GEMIN5: variants seen among roughly 807,000 people sequenced by gnomAD.
The protein encoded by GEMIN5 is gem-associated protein 5.
A neutral mutation model predicts 176.9 loss-of-function variants in GEMIN5; 124 were observed. The observed-to-expected ratio is 0.70, with a 90% CI of 0.61 to 0.81. GEMIN5 has a LOEUF of 0.81. Ranked by LOEUF, GEMIN5 falls within the 40% of genes least tolerant of loss-of-function variation. The probability of loss-of-function intolerance (pLI) is 0.00; values close to 1 mark genes in which losing one functional copy is unlikely to be tolerated. For missense variants in GEMIN5, 1,843 were observed against 1,814.6 expected (o/e 1.02, Z -0.28); for synonymous variants, 673 against 665.2 (o/e 1.01, Z -0.18).
In GEMIN5 at chr5:154,931,591, G is replaced by A. The variant is rs770380550; in HGVS notation, c.662-14C>T. On this transcript the variant is annotated splice_polypyrimidine_tract_variant and intron_variant, in intron 4 of 27. Transcript: ENST00000285873. ...TTTCAGCTTCTTCTATGAGATAGGTGGCAATTTTGTTTTTAATTTACATTA... is the reference window on the plus strand; with the variant it reads ...TTTCAGCTTCTTCTATGAGATAGGTAGCAATTTTGTTTTTAATTTACATTA... 1.9e-6 allele frequency: 3 copies of A among 1,574,140 alleles called. No individual in the cohort carries two copies. Among genetic ancestry groups the A allele is most frequent in the Non-Finnish European group, 2.6e-6 (3 of 1,156,016 alleles).
chr5:154,909,214 T>A (rs1170981303), intron 15 of GEMIN5, among the ~76,000 whole-genome samples: 1 of 143,886 alleles, frequency 6.9e-6, no homozygotes, highest in Non-Finnish European at 1.5e-5. Context: ...GCTCAAGTGA[T>A]CAGCTCGCCT....
At chr5:154,898,305 G>T in intron 23 of GEMIN5, 135 bp downstream of exon 23, 2 of 733,860 alleles carry the variant, frequency 2.7e-6, no homozygotes, top group Non-Finnish European at 4.9e-6. Flanking sequence ...ACTTCAGTGG[G>T]ATAGCATGGC....
chr5:154,937,400 C>A (rs1330163457), intron 1 of GEMIN5, among the ~76,000 whole-genome samples: 1 of 152,218 alleles, frequency 6.6e-6, no homozygotes, highest in Non-Finnish European at 1.5e-5. Flanking sequence ...AGCTTCTCAA[C>A]TGTGAAATGA....
At chr5:154,910,949 C>T (rs993823870) in intron 15 of GEMIN5, among the ~76,000 whole-genome samples, 6 of 151,832 alleles carry the variant, frequency 4.0e-5, no homozygotes, top group East Asian at 2.0e-4. Flanking sequence ...CCGCCCATCT[C>T]GGCCTCCCAA....
intron 24 of GEMIN5, among the ~76,000 whole-genome samples, chr5:154,893,619 C>G (rs1213167485): frequency 6.6e-6 from 1 of 152,244 alleles, no homozygotes; most frequent in East Asian, 1.9e-4. Context: ...GGCCCCACCC[C>G]ACTGGCAACC....
At chr5:154,925,505 TA>T (rs1185028090) in intron 8 of GEMIN5, among the ~76,000 whole-genome samples, 5 of 152,242 alleles carry the variant, frequency 3.3e-5, no homozygotes, top group African/African-American at 1.2e-4. Flanking sequence ...ATAAATCATT[TA>T]TATACCTTTC....
intron 10 of GEMIN5, among the ~76,000 whole-genome samples, chr5:154,920,891 G>A (rs945799279): frequency 2.0e-5 from 3 of 152,172 alleles, no homozygotes; most frequent in Non-Finnish European, 4.4e-5. Flanking sequence ...AGAGGGAAAG[G>A]AGCAGAATGC....
At chr5:154,922,332 T>A (rs1763940293) in intron 9 of GEMIN5, among the ~76,000 whole-genome samples, 1 of 152,116 alleles carries the variant, frequency 6.6e-6, no homozygotes, top group African/African-American at 2.4e-5. Context: ...CAAGCCCGGC[T>A]AATTTTTTGT....
In GEMIN5 at chr5:154,913,006, C is replaced by T. The variant is rs780229232; in HGVS notation, c.1888G>A (p.Glu630Lys). The T allele has an allele frequency of 3.7e-6, 6 of 1,613,622 alleles. No individual in the cohort carries two copies. In the Admixed American group the frequency reaches 5.0e-5, roughly 13 times the overall value. The change falls in exon 14 of 28, where the codon GAG becomes AAG. Residue 630 changes from glutamate to lysine, a missense_variant. Transcript: ENST00000285873. Reference protein sequence around the residue: ...SSPESPVTITEPYRTLSGHTA... With the variant: ...SSPESPVTITKPYRTLSGHTA... ...TGCCCTGAGAGGGTCCGGTAGGGCT[C>T]TGTAATGGTCACTGGAGACTCAGGG...
At position 154,892,425 on chromosome 5, in the gene GEMIN5, G is replaced by A; in HGVS notation, c.3722C>T (p.Thr1241Ile). The A allele has an allele frequency of 6.2e-7, 1 of 1,614,146 alleles. No individual in the cohort carries two copies. The highest frequency in any genetic ancestry group is 8.5e-7 in the Non-Finnish European group (1 of 1,180,018). Residue 1241 changes from threonine to isoleucine, a missense_variant, in exon 25 of 28, where the codon ACC becomes ATC. By Grantham distance (89) the Thr-to-Ile change is moderately conservative. Coordinates refer to ENST00000285873, the MANE Select transcript of GEMIN5 (RefSeq NM_015465.5). ...VVRSYDSGSF[T>I]IMQEVYSAFL... ...GGCTGAGTACACTTCCTGCATGATG[G>A]TGAAGCTCCCTGAGTCATAGCTCCG...
At position 154,924,530 on chromosome 5, in the gene GEMIN5, C is replaced by A; in HGVS notation, c.1318G>T (p.Gly440Cys). Residue 440 changes from glycine to cysteine, a missense_variant, in exon 9 of 28, where the codon GGT (glycine) becomes TGT (cysteine). Gly to Cys is a radical substitution (Grantham distance 159). Coordinates refer to ENST00000285873, the MANE Select transcript of GEMIN5 (RefSeq NM_015465.5). ...TCATCAGTTCCAAAAGCTAAGCAAC[C>A]TTCCTTGGTTGGGTGCCAGCACAGC... ...TALCWHPTKE[G>C]CLAFGTDDGK... is the part of the protein sequence containing the mutation. The A allele has an allele frequency of 6.2e-7, 1 of 1,612,406 alleles. No homozygotes were observed. Among genetic ancestry groups the A allele is most frequent in the Non-Finnish European group, 8.5e-7 (1 of 1,178,584 alleles).
At chr5:154,902,127 A>AC (rs1301335543) in intron 20 of GEMIN5, among the ~76,000 whole-genome samples, 4 of 151,590 alleles carry the variant, frequency 2.6e-5, no homozygotes, top group Non-Finnish European at 5.9e-5. Flanking sequence ...TTTTAAAGAG[A>AC]CAAGGTCTCA....
intron 5 of GEMIN5, among the ~76,000 whole-genome samples, 158 bp from the exon 6 acceptor site, chr5:154,928,817 T>C (rs564062675): frequency 6.6e-6 from 1 of 152,352 alleles, no homozygotes; most frequent in Non-Finnish European, 1.5e-5. Flanking sequence ...ATTTTAACCA[T>C]TATTATGGTT....
chr5:154,906,768 G>A (rs761737093), intron 16 of GEMIN5, among the ~76,000 whole-genome samples: 2 of 152,138 alleles, frequency 1.3e-5, no homozygotes, highest in Non-Finnish European at 2.9e-5. Context: ...CCAACTATGT[G>A]TCTAACAGCT....
chr5:154,911,993 A>G (rs1561718777), intron 14 of GEMIN5, 95 bp from the exon 15 acceptor site: 6 of 1,157,380 alleles, frequency 5.2e-6, no homozygotes, highest in Admixed American at 2.8e-5. Context: ...ACAAAAAACA[A>G]AAACAATCTG....
At chr5:154,934,696 C>T (rs1412689977) in intron 3 of GEMIN5, among the ~76,000 whole-genome samples, 1 of 152,232 alleles carries the variant, frequency 6.6e-6, no homozygotes, top group African/African-American at 2.4e-5. Context: ...AGCCCCAAAC[C>T]TGGCTGAATC....
At chr5:154,908,385 T>G (rs868247171) in intron 15 of GEMIN5, among the ~76,000 whole-genome samples, 8 of 152,100 alleles carry the variant, frequency 5.3e-5, no homozygotes, top group African/African-American at 1.7e-4. Flanking sequence ...TTCACCATGT[T>G]GGTCAGGCTG....
At chr5:154,904,376 A>C in intron 18 of GEMIN5, 131 bp downstream of exon 18, 1 of 770,446 alleles carries the variant, frequency 1.3e-6, no homozygotes, top group South Asian at 1.7e-5. Context: ...GGGAAGGGAG[A>C]GCTGGAGAAC....
rs555001617 is a variant in GEMIN5, at chr5:154,895,758, G to A, written c.3597+334C>T. Among the ~76,000 whole-genome samples the A allele has an allele frequency of 1.1e-3, 161 of 152,128 alleles. 2 individuals are homozygous for A. Among genetic ancestry groups the A allele is most frequent in the Non-Finnish European group, 1.9e-4 (13 of 67,970 alleles). On this transcript the variant is annotated intron_variant, in intron 24 of 27. Transcript: ENST00000285873. ...GGAAATAGTGGCTGGGCGTGGTGGC[G>A]CACGCCTGTAATCACAGCTCTTAGG... is the stretch of plus-strand genomic sequence containing the variant.
Sources: gnomAD v4.1 joint callset for allele counts (sites outside exome capture counted in the v4.1 genomes callset) on GRCh38, gnomAD v4.1.1 for gene constraint, MANE v1.5 for transcripts, NCBI Gene and HGNC (gene_info 2026-07-23, HGNC 2026-07-21) for gene names.